Variants in KEL observed in about 807,000 individuals in gnomAD.
KEL encodes kell blood group glycoprotein.
A neutral mutation model predicts 99.5 loss-of-function variants in KEL; 96 were observed. The observed-to-expected ratio is 0.97, with a 90% CI of 0.82 to 1.14. The LOEUF (loss-of-function observed/expected upper bound fraction) is 1.14, where lower values mean the gene tolerates loss of function less well. Ranked by LOEUF, KEL falls within the 50% of genes most tolerant of loss-of-function variation. The pLI is 0.00. For synonymous variants in KEL, 355 were observed against 354.8 expected, an observed-to-expected ratio of 1.00 and a Z score of -0.01; for missense variants, 926 against 924.2, an observed-to-expected ratio of 1.00 and a Z score of -0.03.
At chr7:142,953,342 C>T (rs997541654) in intron 9 of KEL, 1 of 970,184 alleles carries the variant, frequency 1.0e-6, no homozygotes, top group Non-Finnish European at 1.2e-6. Flanking sequence ...TGAGGAATGG[C>T]CCCTCCTCTT....
Position 142,954,389 on chromosome 7 carries a change from T to G in KEL, c.736-17A>C. 1.2e-6 allele frequency: 2 copies of G among 1,614,022 alleles called. No individual in the cohort carries two copies. On this transcript the variant is annotated splice_polypyrimidine_tract_variant and intron_variant, in intron 7 of 18. Transcript: ENST00000355265. ...CCGAAAGATCTGGAGGAAGGAAATG[T>G]CAGTCACAGGTGCCAGAGGTCCCTG...
chr7:142,958,468 T>A, intron 4 of KEL, 40 bp from the exon 5 acceptor site: 1 of 1,605,868 alleles, frequency 6.2e-7, no homozygotes. Context: ...AACTCTGATT[T>A]TTTTTATCTT....
At chr7:142,950,772 AG>A (rs1796664619) in intron 10 of KEL, among the ~76,000 whole-genome samples, 1 of 152,236 alleles carries the variant, frequency 6.6e-6, no homozygotes, top group South Asian at 2.1e-4. Flanking sequence ...TTTATAAAAA[AG>A]TTTTCTAACC....
chr7:142,946,650 T>C, intron 10 of KEL: 1 of 377,132 alleles, frequency 2.7e-6, no homozygotes, highest in East Asian at 5.4e-5. Flanking sequence ...CTCGGCAGTC[T>C]GATGTTCCCC....
chr7:142,951,594 A>G (rs1671407579), intron 10 of KEL, among the ~76,000 whole-genome samples: 1 of 152,204 alleles, frequency 6.6e-6, no homozygotes, highest in South Asian at 2.1e-4. Flanking sequence ...AATGGCATCC[A>G]TGGTACCTCA....
chr7:142,961,400 A>C lies in KEL; in HGVS notation c.183T>G (p.Phe61Leu), dbSNP rs1174313059. ...AILILGLLLC[F>L]SVLLFYNFQN... ...GGAAGTTGTAGAACAAAAGCACAGA[A>C]AAACAAAGGAGCAGGCCCAAAATCA... is the stretch of plus-strand genomic sequence containing the variant. Residue 61 changes from phenylalanine to leucine, a missense_variant, in exon 3 of 19, where the codon TTT (phenylalanine) becomes TTG (leucine). Phe to Leu is a conservative substitution (Grantham distance 22, BLOSUM62 0). Coordinates refer to ENST00000355265, the MANE Select transcript of KEL (RefSeq NM_000420.3). The C allele has an allele frequency of 1.9e-6, 3 of 1,613,586 alleles. No individual in the cohort carries two copies. Among genetic ancestry groups the C allele is most frequent in the Non-Finnish European group, 2.5e-6 (3 of 1,180,046 alleles).
chr7:142,961,592 T>C, intron 2 of KEL, 91 bp from the exon 3 acceptor site: 1 of 1,437,906 alleles, frequency 7.0e-7, no homozygotes, highest in Non-Finnish European at 9.7e-7. Context: ...CTGTTGGTGC[T>C]ACAGTCCCTT....
At chr7:142,942,720 G>C (rs1300146365) in intron 17 of KEL, among the ~76,000 whole-genome samples, 155 bp downstream of exon 17, 1 of 152,238 alleles carries the variant, frequency 6.6e-6, no homozygotes, top group Non-Finnish European at 1.5e-5. Flanking sequence ...TCTGGGGTAG[G>C]AGGGGGATCC....
At chr7:142,950,837 C>G (rs1230704528) in intron 10 of KEL, among the ~76,000 whole-genome samples, 1 of 152,200 alleles carries the variant, frequency 6.6e-6, no homozygotes, top group East Asian at 1.9e-4. Context: ...TGGTTAAAAA[C>G]ATGACTTTAT....
chr7:142,946,160 G>T (rs1260374350), intron 11 of KEL, 47 bp downstream of exon 11: 3 of 1,329,006 alleles, frequency 2.3e-6, no homozygotes, highest in African/African-American at 2.9e-5. Flanking sequence ...GGCTGCTTTG[G>T]GTAGGAAGGG....
At chr7:142,961,319 G>A (rs1057249181) in intron 3 of KEL, 41 bp downstream of exon 3, 1 of 1,612,318 alleles carries the variant, frequency 6.2e-7, no homozygotes, top group African/African-American at 1.3e-5. Flanking sequence ...CCAGGGCTGG[G>A]GGAGGGCTGA....
chr7:142,949,620 G>A (rs1250475181), intron 10 of KEL, among the ~76,000 whole-genome samples: 1 of 152,200 alleles, frequency 6.6e-6, no homozygotes. Context: ...AGAAGTACCT[G>A]AAGTACACTA....
Position 142,957,815 on chromosome 7 carries a change from T to C in KEL, c.672+12A>G, listed in dbSNP as rs778509161. On this transcript the variant is annotated intron_variant, in intron 6 of 18. Transcript: ENST00000355265. ...CCAGGTCCAACTGTGTCTTCGCCAG[T>C]GCATCCCTCACCTGGATGACTGGTG... The C allele has an allele frequency of 6.2e-7, 1 of 1,613,844 alleles. No individual in the cohort carries two copies. The highest frequency in any genetic ancestry group is 8.5e-7 in the Non-Finnish European group (1 of 1,179,974).
Position 142,958,347 on chromosome 7 carries a change from A to G in KEL, c.482T>C (p.Ile161Thr), listed in dbSNP as rs1459557672. 1.2e-6 allele frequency: 2 copies of G among 1,614,130 alleles called. No individual in the cohort carries two copies. Among genetic ancestry groups the G allele is most frequent in the Non-Finnish European group, 8.5e-7 (1 of 1,180,004 alleles). The stretch of plus-strand genomic sequence containing the variant: ...GAGGGGACCAGTCCCTGCAGCTTCA[A>G]TGGCAAGTGTATCCATGCAGGAGTT... ...FYNSCMDTLA[I>T]EAAGTGPLRQ... Residue 161 changes from isoleucine (I) to threonine (T), a missense_variant, in exon 5 of 19, where the codon ATT (isoleucine) becomes ACT (threonine). Ile to Thr is a moderately conservative substitution (Grantham distance 89). Transcript: ENST00000355265.
intron 9 of KEL, 63 bp downstream of exon 9, chr7:142,953,745 A>G (rs1796748072): frequency 3.1e-6 from 5 of 1,595,230 alleles, no homozygotes; most frequent in Admixed American, 1.7e-5. Flanking sequence ...TTTGCCCCCA[A>G]GATCTACGGT....
At chr7:142,945,449 T>C (rs8176024) in intron 11 of KEL, among the ~76,000 whole-genome samples, 15 of 152,194 alleles carry the variant, frequency 9.9e-5, no homozygotes, top group African/African-American at 3.4e-4. Flanking sequence ...ACGTAGTTCA[T>C]GCAAAGTTCT....
chr7:142,948,619 AC>A (rs1796594578), intron 10 of KEL, among the ~76,000 whole-genome samples: 1 of 152,330 alleles, frequency 6.6e-6, no homozygotes, highest in East Asian at 1.9e-4. Context: ...ATAATGTGTA[AC>A]TACTAAGGGC....
chr7:142,960,989 C>T lies in KEL; in HGVS notation c.339G>A (p.Glu113=). 1 of 1,614,238 alleles carries T rather than the reference C, an allele frequency of 6.2e-7. No homozygotes were observed. The highest frequency in any genetic ancestry group is 1.3e-5 in the African/African-American group (1 of 75,054). Residue 113 remains glutamate (E), a synonymous_variant, in exon 4 of 19, where the codon GAG becomes GAA. Coordinates refer to ENST00000355265, the MANE Select transcript of KEL (RefSeq NM_000420.3). ...FFSFACGRAK[E]TNNSFQELAT... ...CAAGCTCCTGAAAAGAATTATTGGT[C>T]TCTTTGGCCCTTCCACAGGCAAAGC... is the stretch of plus-strand genomic sequence containing the variant.
chr7:142,944,516 C>CAGT (rs8176029), intron 12 of KEL, 116 bp from the exon 13 acceptor site: 59,180 of 1,167,760 alleles, frequency 0.051, 2,629 homozygotes, highest in African/African-American at 0.21. Context: ...GTATACAGCC[C>CAGT]AGTGGCTTCC....
Sources: allele counts gnomAD v4.1 joint callset (sites outside exome capture counted in the v4.1 genomes callset), GRCh38; gene constraint gnomAD v4.1.1; transcripts MANE v1.5; gene names NCBI Gene and HGNC (gene_info 2026-07-23, HGNC 2026-07-21).